The following FGF7 variants were observed in gnomAD, a reference collection of about 807,000 sequenced individuals.
The protein encoded by FGF7 is fibroblast growth factor 7.
Under a neutral mutation model 20.5 loss-of-function variants are expected in FGF7, and 6 were observed. The observed-to-expected ratio is 0.29, with a 90% CI of 0.16 to 0.58. The LOEUF (loss-of-function observed/expected upper bound fraction) is 0.58. Among genes scored for constraint, FGF7 ranks in the 20% least tolerant of loss-of-function variants. The pLI is 0.90. For synonymous variants in FGF7, 64 were observed against 74.7 expected (o/e 0.86, Z 0.74); for missense variants, 144 against 228.8 (o/e 0.63, Z 2.39).
intron 2 of FGF7, among the ~76,000 whole-genome samples, chr15:49,450,427 T>C (rs1004657965): frequency 6.6e-6 from 1 of 152,068 alleles, no homozygotes; most frequent in South Asian, 2.1e-4. Flanking sequence ...TTCAAAACCA[T>C]CCTGAATGCC....
At chr15:49,430,650 G>A (rs1597139066) in intron 2 of FGF7, among the ~76,000 whole-genome samples, 1 of 151,888 alleles carries the variant, frequency 6.6e-6, no homozygotes, top group East Asian at 1.9e-4. Context: ...TCATTCCATG[G>A]TGGAAGGTAG....
intron 2 of FGF7, among the ~76,000 whole-genome samples, chr15:49,466,433 T>C (rs1295862323): frequency 6.6e-6 from 1 of 152,170 alleles, no homozygotes; most frequent in East Asian, 1.9e-4. Flanking sequence ...TCTTCTAAGT[T>C]GTAGAAGAAA....
intron 2 of FGF7, among the ~76,000 whole-genome samples, chr15:49,464,907 C>T (rs1398240076): frequency 2.0e-5 from 3 of 152,114 alleles, no homozygotes; most frequent in Non-Finnish European, 4.4e-5. Context: ...ACATACATGA[C>T]ATACCTAAAA....
chr15:49,460,026 C>T (rs761087692), intron 2 of FGF7, among the ~76,000 whole-genome samples: 3 of 152,148 alleles, frequency 2.0e-5, no homozygotes, highest in Non-Finnish European at 4.4e-5. Flanking sequence ...CTTCCCTTGA[C>T]ACCACACCTC....
chr15:49,434,332 C>A (rs1226679113), intron 2 of FGF7: 1 of 151,084 alleles, frequency 6.6e-6, no homozygotes, highest in Non-Finnish European at 1.5e-5. Context: ...CCTCCTTTTG[C>A]TAGACTAAGA....
At chr15:49,465,518 A>G (rs1207455899) in intron 2 of FGF7, among the ~76,000 whole-genome samples, 1 of 152,122 alleles carries the variant, frequency 6.6e-6, no homozygotes, top group South Asian at 2.1e-4. Flanking sequence ...AACATATGTA[A>G]GTTGTTACCC....
At chr15:49,463,023 C>T (rs531209011) in intron 2 of FGF7, among the ~76,000 whole-genome samples, 4 of 152,198 alleles carry the variant, frequency 2.6e-5, no homozygotes, top group Non-Finnish European at 5.9e-5. Context: ...TTAAATCACT[C>T]AAAATAGATT....
chr15:49,451,790 T>C (rs540060226), intron 2 of FGF7, among the ~76,000 whole-genome samples: 15 of 152,118 alleles, frequency 9.9e-5, no homozygotes, highest in Non-Finnish European at 2.1e-4. Flanking sequence ...GTTTTAAAAG[T>C]AATACTTATA....
At chr15:49,478,410 G>T (rs1424966923) in intron 2 of FGF7, among the ~76,000 whole-genome samples, 1 of 151,298 alleles carries the variant, frequency 6.6e-6, no homozygotes, top group Non-Finnish European at 1.5e-5. Flanking sequence ...TTGCATATAT[G>T]TATATGTCGG....
intron 2 of FGF7, among the ~76,000 whole-genome samples, chr15:49,433,362 AAGC>A (rs2050787823): frequency 1.3e-5 from 2 of 151,596 alleles, no homozygotes. Context: ...CCAGTGGTAG[AAGC>A]AGCAGCACTT....
chr15:49,432,499 C>A (rs943289033), intron 2 of FGF7, among the ~76,000 whole-genome samples: 3 of 151,678 alleles, frequency 2.0e-5, no homozygotes, highest in Admixed American at 6.6e-5. Flanking sequence ...AACACTCCTC[C>A]TCTCCCTCAC....
intron 2 of FGF7, among the ~76,000 whole-genome samples, chr15:49,442,037 A>G (rs1037328908): frequency 2.6e-5 from 4 of 151,668 alleles, no homozygotes; most frequent in African/African-American, 4.8e-5. Flanking sequence ...TGTCCAGCAC[A>G]TTAGGAAATA....
Position 49,424,208 on chromosome 15 carries a change from A to G in FGF7, c.-90A>G, listed in dbSNP as rs1567248782. On this transcript the variant is annotated 5_prime_UTR_variant, in exon 2 of 4. Coordinates refer to ENST00000267843, the MANE Select transcript of FGF7 (RefSeq NM_002009.4). ...TCTTAAATCAATCTACAATTCACAGATAGGAAGAGGTCAATGACCTAGGAG... is the reference window on the plus strand; with the variant it reads ...TCTTAAATCAATCTACAATTCACAGGTAGGAAGAGGTCAATGACCTAGGAG... The G allele has an allele frequency of 2.6e-6, 3 of 1,155,430 alleles. No individual in the cohort carries two copies. In the South Asian group the frequency reaches 4.4e-5, roughly 17 times the overall value. The allele number at this position is 1,155,430 out of a possible 1,614,324, so 71.6% of individuals were successfully genotyped here.
At chr15:49,481,394 C>T (rs34002493) in intron 2 of FGF7, among the ~76,000 whole-genome samples, 38,593 of 152,040 alleles carry the variant, frequency 0.25, 5,756 homozygotes, top group Non-Finnish European at 0.35. Flanking sequence ...CATGTTATTT[C>T]CCTTTGTGCT....
rs947251954 is a variant in FGF7, at chr15:49,483,428, G to T, written c.390+174G>T. On this transcript the variant is annotated intron_variant, in intron 3 of 3. Transcript: ENST00000267843. ...AAAAAATGTTTTCTGTGTGACTTTG[G>T]ACAAATGGCTTGTTCTTTGGATTTT... Among the ~76,000 whole-genome samples, 3 of 151,896 alleles carry T rather than the reference G, an allele frequency of 2.0e-5. 1 individual carries two copies. Among genetic ancestry groups the T allele is most frequent in the African/African-American group, 7.2e-5 (3 of 41,382 alleles).
chr15:49,441,812 T>C (rs971496666), intron 2 of FGF7, among the ~76,000 whole-genome samples: 29 of 151,622 alleles, frequency 1.9e-4, no homozygotes, highest in African/African-American at 6.0e-4. Context: ...TATTATCTCA[T>C]TGAATTCCTA....
chr15:49,480,726 G>A (rs1424511323), intron 2 of FGF7, among the ~76,000 whole-genome samples: 9 of 152,016 alleles, frequency 5.9e-5, no homozygotes, highest in Admixed American at 4.6e-4. Flanking sequence ...CAAGTGTTCC[G>A]CCTGACTCGG....
chr15:49,424,372 G>A lies in FGF7; in HGVS notation c.75G>A (p.Val25=). Residue 25 remains valine (V), a synonymous_variant, in exon 2 of 4, where the codon GTG becomes GTA. Coordinates refer to ENST00000267843, the MANE Select transcript of FGF7 (RefSeq NM_002009.4). Reference sequence around the variant, plus strand: ...CATGCTTTCACATTATCTGTCTAGTGGGTACTATATCTTTAGCTTGCAATG... The same window carrying A: ...CATGCTTTCACATTATCTGTCTAGTAGGTACTATATCTTTAGCTTGCAATG... ...YRSCFHIICL[V]GTISLACNDM... is the part of the protein sequence containing the mutation. 3 of 1,613,586 alleles carry A rather than the reference G, an allele frequency of 1.9e-6. No homozygotes were observed. Among genetic ancestry groups the A allele is most frequent in the Non-Finnish European group, 2.5e-6 (3 of 1,179,700 alleles).
At chr15:49,448,920 T>G (rs149936510) in intron 2 of FGF7, among the ~76,000 whole-genome samples, 17 of 152,054 alleles carry the variant, frequency 1.1e-4, no homozygotes, top group African/African-American at 4.1e-4. Context: ...TCTAGGGAAA[T>G]TACTCCTGCT....
Sources: allele counts gnomAD v4.1 joint callset (sites outside exome capture counted in the v4.1 genomes callset), GRCh38; gene constraint gnomAD v4.1.1; transcripts MANE v1.5; gene names NCBI Gene and HGNC (gene_info 2026-07-23, HGNC 2026-07-21).